SLC9A9: variants seen among roughly 807,000 people sequenced by gnomAD.
SLC9A9 encodes solute carrier family 9 member A9.
In SLC9A9, 62 loss-of-function variants were observed where a neutral mutation model predicts 77.8. The observed-to-expected ratio is 0.80, with a 90% CI of 0.65 to 0.98. The LOEUF is 0.98. SLC9A9 is among the 50% of genes least tolerant of loss of function. The pLI is 0.00. For missense variants in SLC9A9, 775 were observed against 774.9 expected (o/e 1.00, Z 0.00); for synonymous variants, 320 against 283.5 (o/e 1.13, Z -1.29).
intron 6 of SLC9A9, among the ~76,000 whole-genome samples, chr3:143,596,021 G>C (rs1006502622): frequency 1.3e-5 from 2 of 152,162 alleles, no homozygotes; most frequent in African/African-American, 4.8e-5. Context: ...GGATGAGATG[G>C]AGGGTTTTTG....
chr3:143,480,193 T>C (rs2035550544), intron 11 of SLC9A9, among the ~76,000 whole-genome samples: 1 of 152,224 alleles, frequency 6.6e-6, no homozygotes, highest in Non-Finnish European at 1.5e-5. Context: ...GTGTGCCAAA[T>C]AGCAAAACCT....
In SLC9A9 at chr3:143,578,720, A is replaced by G. The variant is rs148869886; in HGVS notation, c.759T>C (p.Ser253=). The change falls in exon 7 of 16, where the codon TCT becomes TCC. Residue 253 remains serine (S), a synonymous_variant. Coordinates refer to ENST00000316549, the MANE Select transcript of SLC9A9 (RefSeq NM_173653.4). The part of the protein sequence containing the change: ...NDAVAIVLTY[S]ISIYSPKENP... ...TCTCCTTGGGACTGTAAATGGATAT[A>G]GAACTGAAAAGAGAAGAGGGTGGAG... The G allele has an allele frequency of 1.9e-4, 300 of 1,614,002 alleles. 1 individual carries two copies. In the African/African-American group the frequency reaches 3.6e-3, roughly 20 times the overall value.
intron 1 of SLC9A9, among the ~76,000 whole-genome samples, chr3:143,842,946 G>A (rs1452756765): frequency 3.3e-5 from 5 of 152,116 alleles, no homozygotes; most frequent in African/African-American, 1.2e-4. Flanking sequence ...TTTTGCAGCT[G>A]GAAGGGAGAC....
chr3:143,817,518 T>C (rs562289779), intron 2 of SLC9A9, among the ~76,000 whole-genome samples: 257 of 152,354 alleles, frequency 1.7e-3, no homozygotes, highest in African/African-American at 6.0e-3. Flanking sequence ...GTGATATCTT[T>C]AAAAAATATT....
At chr3:143,386,529 T>C (rs559395859) in intron 12 of SLC9A9, among the ~76,000 whole-genome samples, 1 of 152,322 alleles carries the variant, frequency 6.6e-6, no homozygotes, top group Admixed American at 6.5e-5. Context: ...TTTCACAGGG[T>C]TGTGGTGAGG....
At chr3:143,345,361 G>C in intron 14 of SLC9A9, among the ~76,000 whole-genome samples, 1 of 152,144 alleles carries the variant, frequency 6.6e-6, no homozygotes, top group African/African-American at 2.4e-5. Context: ...GAAATTCAGA[G>C]TATTGAGTTA....
Position 143,310,571 on chromosome 3 carries a change from C to T in SLC9A9, c.1605-41591G>A, listed in dbSNP as rs140945460. ...CCCGAATTTAGAATCTAAGTTTGTA[C>T]GAATTTTAGAAATGGAGACTTTCTG... On this transcript the variant is annotated intron_variant, in intron 14 of 15. Coordinates refer to ENST00000316549, the MANE Select transcript of SLC9A9 (RefSeq NM_173653.4). 6.1e-3 allele frequency among the ~76,000 whole-genome samples: 917 copies of T among 150,244 alleles called. 7 individuals are homozygous for T. Among genetic ancestry groups the T allele is most frequent in the African/African-American group, 0.021 (856 of 40,848 alleles).
intron 6 of SLC9A9, among the ~76,000 whole-genome samples, chr3:143,631,801 A>G (rs1478628596): frequency 6.6e-6 from 1 of 152,156 alleles, no homozygotes; most frequent in Non-Finnish European, 1.5e-5. Flanking sequence ...CTGGATTTTT[A>G]TGCTAGTTCT....
chr3:143,769,056 A>G (rs2007425097), intron 4 of SLC9A9, among the ~76,000 whole-genome samples: 1 of 152,252 alleles, frequency 6.6e-6, no homozygotes, highest in Admixed American at 6.5e-5. Flanking sequence ...CCTCACTTGT[A>G]TGGGGAGAAG....
intron 6 of SLC9A9, among the ~76,000 whole-genome samples, chr3:143,597,299 C>T (rs912077535): frequency 1.3e-5 from 2 of 152,126 alleles, no homozygotes; most frequent in Non-Finnish European, 2.9e-5. Context: ...GGGCTCGGCT[C>T]GGCTCAACAC....
intron 6 of SLC9A9, among the ~76,000 whole-genome samples, chr3:143,604,856 C>T (rs971478500): frequency 1.4e-4 from 21 of 152,146 alleles, no homozygotes; most frequent in African/African-American, 5.1e-4. Context: ...AGAAGCAATA[C>T]TTTAGAACTG....
rs2037762616 is a variant in SLC9A9, at chr3:143,596,979, A to G, written c.756-18256T>C. 2.0e-5 allele frequency among the ~76,000 whole-genome samples: 3 copies of G among 152,210 alleles called. No homozygotes were observed. In the South Asian group the frequency reaches 6.2e-4, roughly 32 times the overall value. ...ACACCCAGACCTTGTATGAGGTCTT[A>G]AACATATGTCACGGTAAATCTTTTT... On this transcript the variant is annotated intron_variant, in intron 6 of 15. Transcript: ENST00000316549.
At chr3:143,439,633 T>C (rs1191829377) in intron 12 of SLC9A9, among the ~76,000 whole-genome samples, 1 of 152,182 alleles carries the variant, frequency 6.6e-6, no homozygotes, top group African/African-American at 2.4e-5. Context: ...TTCACACATA[T>C]GACTTATCCC....
intron 11 of SLC9A9, among the ~76,000 whole-genome samples, chr3:143,486,606 TA>T (rs1391132123): frequency 2.0e-5 from 3 of 152,092 alleles, no homozygotes; most frequent in African/African-American, 7.2e-5. Flanking sequence ...ACACAATGTA[TA>T]AAGATATAAT....
chr3:143,761,784 G>A (rs557102485), intron 4 of SLC9A9, among the ~76,000 whole-genome samples: 3 of 152,282 alleles, frequency 2.0e-5, no homozygotes, highest in South Asian at 2.1e-4. Flanking sequence ...ACAGTGTGGC[G>A]ATTCCTCAAT....
intron 12 of SLC9A9, among the ~76,000 whole-genome samples, chr3:143,426,238 G>A (rs903668901): frequency 1.3e-5 from 2 of 152,176 alleles, no homozygotes; most frequent in African/African-American, 4.8e-5. Flanking sequence ...AAAAACCCAT[G>A]TTATAATGTA....
At chr3:143,764,982 CCTTCCTTCCTTCCTTCCTTT>C (rs886220233) in intron 4 of SLC9A9, among the ~76,000 whole-genome samples, 16 of 145,804 alleles carry the variant, frequency 1.1e-4, no homozygotes, top group African/African-American at 3.6e-4. Flanking sequence ...TTCCTTCCTT[CCTTCCTTCCTTCCTTCCTTT>C]CTTTCTTTCT....
intron 6 of SLC9A9, among the ~76,000 whole-genome samples, chr3:143,641,574 T>C (rs1576628861): frequency 1.3e-5 from 2 of 152,120 alleles, no homozygotes; most frequent in Admixed American, 1.3e-4. Flanking sequence ...TTTGTATTTT[T>C]AGTAGAGACA....
At chr3:143,809,739 G>A (rs531224711) in intron 2 of SLC9A9, among the ~76,000 whole-genome samples, 2 of 152,320 alleles carry the variant, frequency 1.3e-5, no homozygotes, top group South Asian at 2.1e-4. Context: ...GACAAGCACT[G>A]CCTAATAGAA....
Sources: gnomAD v4.1 joint callset for allele counts (sites outside exome capture counted in the v4.1 genomes callset) on GRCh38, gnomAD v4.1.1 for gene constraint, MANE v1.5 for transcripts, NCBI Gene and HGNC (gene_info 2026-07-23, HGNC 2026-07-21) for gene names.